Variants in CERS6 observed in about 807,000 individuals in gnomAD.
The protein encoded by CERS6 is ceramide synthase 6, also known as LAG1 homolog, ceramide synthase 6.
In CERS6, 26 loss-of-function variants were observed where a neutral mutation model predicts 56.8. The ratio of observed to expected loss-of-function variants is 0.46; its 90% CI spans 0.34 to 0.63. CERS6 has a LOEUF of 0.63. Ranked by LOEUF, CERS6 falls within the 30% of genes least tolerant of loss-of-function variation. CERS6 has a pLI of 0.01. For missense variants in CERS6, 415 were observed against 467.5 expected (o/e 0.89, Z 1.04); for synonymous variants, 164 against 173.3 (o/e 0.95, Z 0.42).
intron 7 of CERS6, 34 bp downstream of exon 7, chr2:168,715,163 A>T: frequency 6.3e-7 from 1 of 1,594,344 alleles, no homozygotes; most frequent in Admixed American, 1.8e-5. Context: ...AGAATACAAA[A>T]TCCAAAATTT....
chr2:168,632,602 A>C (rs1477913111), intron 4 of CERS6, among the ~76,000 whole-genome samples: 1 of 152,232 alleles, frequency 6.6e-6, no homozygotes, highest in Non-Finnish European at 1.5e-5. Context: ...AACTGGAGTA[A>C]ATAAACATGG....
chr2:168,662,649 T>A (rs184778176), intron 4 of CERS6, among the ~76,000 whole-genome samples: 314 of 152,226 alleles, frequency 2.1e-3, no homozygotes, highest in African/African-American at 7.2e-3. Flanking sequence ...GGAGAATCGC[T>A]TGAACCCGGG....
At chr2:168,746,052 C>T (rs11904804) in intron 8 of CERS6, among the ~76,000 whole-genome samples, 14,939 of 152,140 alleles carry the variant, frequency 0.098, 795 homozygotes, top group Non-Finnish European at 0.12. Flanking sequence ...CCCAGATTCA[C>T]GTTGCCAGAG....
At chr2:168,518,429 A>T (rs991748374) in intron 1 of CERS6, among the ~76,000 whole-genome samples, 2 of 152,208 alleles carry the variant, frequency 1.3e-5, no homozygotes, top group African/African-American at 4.8e-5. Flanking sequence ...ATGATTCTTG[A>T]AATCTATGGG....
At chr2:168,765,822 A>C (rs72881726) in intron 9 of CERS6, 74 bp downstream of exon 9, 88,204 of 1,316,836 alleles carry the variant, frequency 0.067, 3,395 homozygotes, top group Non-Finnish European at 0.078. Context: ...TCAACTATTT[A>C]CTATTCCATA....
chr2:168,488,123 A>G (rs932639419), intron 1 of CERS6, among the ~76,000 whole-genome samples: 2 of 151,986 alleles, frequency 1.3e-5, no homozygotes, highest in Admixed American at 1.3e-4. Flanking sequence ...TTTTAGATCT[A>G]TTTGCTATAT....
chr2:168,670,354 C>T (rs1460087896), intron 4 of CERS6, among the ~76,000 whole-genome samples: 1 of 152,132 alleles, frequency 6.6e-6, no homozygotes, highest in Non-Finnish European at 1.5e-5. Context: ...ATTCTAGTCA[C>T]ATCCCCTTCC....
intron 6 of CERS6, among the ~76,000 whole-genome samples, chr2:168,698,255 G>GAAAAAAAAAAAAAAAAAAAAAAAAAAAAA (rs869056813): frequency 1.1e-4 from 2 of 17,954 alleles, no homozygotes; most frequent in Non-Finnish European, 3.0e-4. Flanking sequence ...AAAAAAAAAA[G>GAAAAAAAAAAAAAAAAAAAAAAAAAAAAA]AAAAAAAAAA....
chr2:168,553,290 A>G (rs1454382536), intron 2 of CERS6, among the ~76,000 whole-genome samples: 1 of 152,208 alleles, frequency 6.6e-6, no homozygotes. Flanking sequence ...AAAATAAAAC[A>G]ATGAATTAAA....
At chr2:168,686,513 G>A (rs1342044882) in intron 4 of CERS6, among the ~76,000 whole-genome samples, 1 of 151,792 alleles carries the variant, frequency 6.6e-6, no homozygotes, top group Non-Finnish European at 1.5e-5. Flanking sequence ...TAATCATTGA[G>A]TTATGTAACA....
At chr2:168,571,941 T>C (rs760820160) in intron 3 of CERS6, among the ~76,000 whole-genome samples, 1 of 152,234 alleles carries the variant, frequency 6.6e-6, no homozygotes, top group Non-Finnish European at 1.5e-5. Flanking sequence ...ATTTACAATG[T>C]CCTAGCAGTG....
intron 8 of CERS6, among the ~76,000 whole-genome samples, chr2:168,730,030 C>G (rs992267875): frequency 2.6e-5 from 4 of 152,176 alleles, no homozygotes; most frequent in African/African-American, 9.7e-5. Flanking sequence ...AGCGTTTCCC[C>G]TGCAGTTTGG....
chr2:168,476,674 G>C (rs1242044705), intron 1 of CERS6, among the ~76,000 whole-genome samples: 1 of 152,076 alleles, frequency 6.6e-6, no homozygotes, highest in Non-Finnish European at 1.5e-5. Flanking sequence ...GTAAGTCCTG[G>C]AGTCCCAAGG....
chr2:168,627,339 TG>T, intron 3 of CERS6, among the ~76,000 whole-genome samples: 1 of 152,350 alleles, frequency 6.6e-6, no homozygotes, highest in East Asian at 1.9e-4. Context: ...TATTATTTTT[TG>T]TTTGTATATT....
intron 6 of CERS6, 75 bp from the exon 7 acceptor site, chr2:168,714,926 G>A: frequency 7.0e-7 from 1 of 1,421,022 alleles, no homozygotes; most frequent in Non-Finnish European, 9.6e-7. Context: ...AGTAAATACT[G>A]GTTCAGTGGC....
At chr2:168,642,055 T>C (rs1310453714) in intron 4 of CERS6, among the ~76,000 whole-genome samples, 2 of 152,094 alleles carry the variant, frequency 1.3e-5, no homozygotes, top group Non-Finnish European at 2.9e-5. Flanking sequence ...TTTTAAAAAA[T>C]GTATGTGGAA....
intron 4 of CERS6, among the ~76,000 whole-genome samples, chr2:168,646,033 C>G (rs7582868): frequency 1.8e-4 from 28 of 151,966 alleles, no homozygotes; most frequent in African/African-American, 6.5e-4. Context: ...TGGAATGATT[C>G]ATATTCCTCT....
chr2:168,512,440 TC>T (rs1694805173), intron 1 of CERS6, among the ~76,000 whole-genome samples: 1 of 152,180 alleles, frequency 6.6e-6, no homozygotes, highest in African/African-American at 2.4e-5. Flanking sequence ...AACCACTTCA[TC>T]ATCTTTTTGT....
intron 1 of CERS6, among the ~76,000 whole-genome samples, chr2:168,546,540 T>C (rs1695468915): frequency 6.6e-6 from 1 of 152,230 alleles, no homozygotes; most frequent in Non-Finnish European, 1.5e-5. Context: ...GTTTCATTGG[T>C]CCTACTTTAA....
Sources: allele counts gnomAD v4.1 joint callset (sites outside exome capture counted in the v4.1 genomes callset), GRCh38; gene constraint gnomAD v4.1.1; transcripts MANE v1.5; gene names NCBI Gene and HGNC (gene_info 2026-07-23, HGNC 2026-07-21).